The following REDIC1 variants were observed in gnomAD, a reference collection of about 807,000 sequenced individuals.
REDIC1 encodes the protein regulator of DNA class I crossover intermediates 1.
At chr12:39,687,154 C>A in the REDIC1 span, among the ~76,000 whole-genome samples, 2 of 152,140 alleles carry the variant, frequency 1.3e-5, no homozygotes, top group African/African-American at 4.8e-5. Context: ...ATCTTGTGTT[C>A]TTCTGAGCCT....
the REDIC1 span, among the ~76,000 whole-genome samples, chr12:39,687,594 C>T: frequency 1.3e-5 from 2 of 152,144 alleles, no homozygotes; most frequent in East Asian, 3.8e-4. Context: ...AAACTACTTC[C>T]CATGATTCAG....
At chr12:39,711,767 GTGTGCACATGCATGTGTA>G in the REDIC1 span, among the ~76,000 whole-genome samples, 1 of 134,946 alleles carries the variant, frequency 7.4e-6, no homozygotes, top group Non-Finnish European at 1.6e-5. Context: ...GTGTATGTGT[GTGTGCACATGCATGTGTA>G]TGTGTGTGTA....
chr12:39,855,582 G>T, the REDIC1 span, among the ~76,000 whole-genome samples: 7 of 151,974 alleles, frequency 4.6e-5, no homozygotes, highest in Admixed American at 1.3e-4. Flanking sequence ...TGTTTTTTTT[G>T]TTGTTGTTTG....
chr12:39,715,933 T>C, the REDIC1 span, among the ~76,000 whole-genome samples: 1 of 152,032 alleles, frequency 6.6e-6, no homozygotes, highest in South Asian at 2.1e-4. Flanking sequence ...GAAACCTGCT[T>C]TTCGGGGGTA....
the REDIC1 span, among the ~76,000 whole-genome samples, chr12:39,817,207 C>T: frequency 6.6e-6 from 1 of 152,194 alleles, no homozygotes; most frequent in Non-Finnish European, 1.5e-5. Context: ...TCAACAAATT[C>T]ATTAGAAAGT....
chr12:39,864,669 C>G, the REDIC1 span: 2 of 1,511,382 alleles, frequency 1.3e-6, no homozygotes, highest in Non-Finnish European at 1.8e-6. Flanking sequence ...GCCCAGCAAG[C>G]TCCTACTCAT....
chr12:39,698,111 G>A, the REDIC1 span, among the ~76,000 whole-genome samples: 23 of 152,212 alleles, frequency 1.5e-4, no homozygotes, highest in South Asian at 1.7e-3. Flanking sequence ...GTAGCTACAC[G>A]TATATTAGAC....
chr12:39,711,975 A>G, the REDIC1 span, among the ~76,000 whole-genome samples: 2 of 125,124 alleles, frequency 1.6e-5, no homozygotes, highest in Admixed American at 7.9e-5. Context: ...ATGTATATAT[A>G]CATGTCATGT....
chr12:39,717,475 ATCC>A, the REDIC1 span, among the ~76,000 whole-genome samples: 1 of 152,048 alleles, frequency 6.6e-6, no homozygotes, highest in Admixed American at 6.6e-5. Flanking sequence ...AATCATCATA[ATCC>A]TCATCATCTT....
At chr12:39,664,069 T>C in the REDIC1 span, among the ~76,000 whole-genome samples, 1 of 151,988 alleles carries the variant, frequency 6.6e-6, no homozygotes, top group Admixed American at 6.6e-5. Context: ...TAGAATTATT[T>C]GTCTTTGAGT....
chr12:39,683,219 C>A, the REDIC1 span: 1 of 1,361,644 alleles, frequency 7.3e-7, no homozygotes, highest in Non-Finnish European at 1.0e-6. Flanking sequence ...TATATTCATA[C>A]ACACACATCT....
chr12:39,709,270 G>C, the REDIC1 span, among the ~76,000 whole-genome samples: 2 of 150,132 alleles, frequency 1.3e-5, no homozygotes, highest in Non-Finnish European at 3.0e-5. Context: ...TTTCTTGTGA[G>C]GTACTTTTGA....
the REDIC1 span, chr12:39,683,599 A>C: frequency 1.3e-6 from 1 of 759,156 alleles, no homozygotes; most frequent in Non-Finnish European, 2.2e-6. Flanking sequence ...TGGGCAGGCA[A>C]CCTGGTCTCA....
the REDIC1 span, among the ~76,000 whole-genome samples, chr12:39,806,236 C>CT: frequency 2.6e-5 from 4 of 152,100 alleles, no homozygotes; most frequent in Non-Finnish European, 4.4e-5. Context: ...ACCTCTAATG[C>CT]TGAAAGATCA....
chr12:39,696,619 G>A, the REDIC1 span, among the ~76,000 whole-genome samples: 1 of 135,260 alleles, frequency 7.4e-6, no homozygotes, highest in Non-Finnish European at 1.5e-5. Flanking sequence ...ATGGACATAT[G>A]TGACCTTTCA....
chr12:39,635,279 A>C, the REDIC1 span, among the ~76,000 whole-genome samples: 1 of 152,160 alleles, frequency 6.6e-6, no homozygotes, highest in African/African-American at 2.4e-5. Flanking sequence ...TTGACCCAGC[A>C]ATCCCATTAC....
At chr12:39,775,169 C>A in the REDIC1 span, among the ~76,000 whole-genome samples, 1 of 152,102 alleles carries the variant, frequency 6.6e-6, no homozygotes, top group South Asian at 2.1e-4. Flanking sequence ...TAAAAGTCTC[C>A]CACAATGGAA....
At chr12:39,630,103 G>A in the REDIC1 span, among the ~76,000 whole-genome samples, 1 of 152,080 alleles carries the variant, frequency 6.6e-6, no homozygotes, top group Non-Finnish European at 1.5e-5. Context: ...GTGCAGATTT[G>A]AGAGACAACA....
At chr12:39,896,288 A>ATG in the REDIC1 span, among the ~76,000 whole-genome samples, 15 of 41,108 alleles carry the variant, frequency 3.6e-4, no homozygotes, top group East Asian at 2.3e-3. Flanking sequence ...ACATGTATGT[A>ATG]TATGTGTGTA....
Sources: gnomAD v4.1 joint callset for allele counts (sites outside exome capture counted in the v4.1 genomes callset) on GRCh38, gnomAD v4.1.1 for gene constraint, MANE v1.5 for transcripts, NCBI Gene and HGNC (gene_info 2026-07-23, HGNC 2026-07-21) for gene names.